Variants in LGSN observed in about 807,000 individuals in gnomAD.
LGSN encodes the protein lengsin, lens protein with glutamine synthetase domain, also known as lengsin.
In LGSN, 21 loss-of-function variants were observed where a neutral mutation model predicts 19.5. The ratio of observed to expected loss-of-function variants is 1.07; its 90% CI spans 0.76 to 1.55. The LOEUF (loss-of-function observed/expected upper bound fraction) is 1.55, where lower values mean the gene tolerates loss of function less well. Among genes scored for constraint, LGSN ranks in the 40% most tolerant of loss-of-function variants. The probability of loss-of-function intolerance (pLI) is 0.00; values close to 1 mark genes in which losing one functional copy is unlikely to be tolerated. For missense variants in LGSN, 673 were observed against 608.5 expected (o/e 1.11, Z -1.12); for synonymous variants, 257 against 215.6 (o/e 1.19, Z -1.68).
the LGSN span, among the ~76,000 whole-genome samples, chr6:63,446,474 G>T: frequency 2.6e-5 from 4 of 151,986 alleles, no homozygotes; most frequent in African/African-American, 4.8e-5. Flanking sequence ...CTTATTTTCT[G>T]CCTCCTTCTG....
At chr6:63,388,922 G>A in the LGSN span, among the ~76,000 whole-genome samples, 2 of 152,114 alleles carry the variant, frequency 1.3e-5, no homozygotes, top group Non-Finnish European at 2.9e-5. Flanking sequence ...CACAAACCAT[G>A]TACAGTCACT....
chr6:63,386,431 T>C, the LGSN span, among the ~76,000 whole-genome samples: 1 of 152,086 alleles, frequency 6.6e-6, no homozygotes, highest in Non-Finnish European at 1.5e-5. Flanking sequence ...TGCTTACTTG[T>C]TTGTTTGTTT....
chr6:63,460,100 CTTTTTTTTT>C, the LGSN span, among the ~76,000 whole-genome samples: 2 of 56,128 alleles, frequency 3.6e-5, no homozygotes, highest in Non-Finnish European at 3.2e-5. Context: ...ATTTCATTCC[CTTTTTTTTT>C]TTTTTTTTTT....
chr6:63,416,567 T>TTTG, the LGSN span, among the ~76,000 whole-genome samples: 4 of 152,138 alleles, frequency 2.6e-5, no homozygotes, highest in Non-Finnish European at 4.4e-5. Flanking sequence ...ACATAGTTTT[T>TTTG]TTGTTGTTGT....
the LGSN span, among the ~76,000 whole-genome samples, chr6:63,393,457 G>A: frequency 2.6e-5 from 4 of 152,028 alleles, no homozygotes; most frequent in East Asian, 3.9e-4. Context: ...AGGATTACAG[G>A]CGTGAGCCAC....
chr6:63,337,867 G>A, the LGSN span, among the ~76,000 whole-genome samples: 1 of 151,728 alleles, frequency 6.6e-6, no homozygotes, highest in Admixed American at 6.6e-5. Flanking sequence ...TAAGAACTCT[G>A]TACTATTTTA....
chr6:63,300,068 C>T (rs2127390347), intron 1 of LGSN, among the ~76,000 whole-genome samples: 1 of 152,260 alleles, frequency 6.6e-6, no homozygotes, highest in South Asian at 2.1e-4. Flanking sequence ...ATGGTGAGGC[C>T]TGGAGACGTG....
At chr6:63,341,666 C>G in the LGSN span, among the ~76,000 whole-genome samples, 1 of 152,138 alleles carries the variant, frequency 6.6e-6, no homozygotes, top group African/African-American at 2.4e-5. Context: ...AAGGGTCCAG[C>G]TGGCATTGTG....
At chr6:63,353,799 C>G in the LGSN span, among the ~76,000 whole-genome samples, 3 of 151,932 alleles carry the variant, frequency 2.0e-5, no homozygotes, top group African/African-American at 4.8e-5. Context: ...AAAACTGACA[C>G]ATAGACCAAT....
chr6:63,478,596 C>A, the LGSN span, among the ~76,000 whole-genome samples: 8 of 152,114 alleles, frequency 5.3e-5, no homozygotes, highest in East Asian at 9.6e-4. Flanking sequence ...GAACAAAGAG[C>A]CAAAAATAAT....
At chr6:63,459,983 G>C in the LGSN span, among the ~76,000 whole-genome samples, 1 of 151,442 alleles carries the variant, frequency 6.6e-6, no homozygotes, top group African/African-American at 2.4e-5. Flanking sequence ...CCAACTTCAC[G>C]TGCTCCATGT....
At chr6:63,452,988 T>C in the LGSN span, among the ~76,000 whole-genome samples, 1 of 152,154 alleles carries the variant, frequency 6.6e-6, no homozygotes, top group Admixed American at 6.5e-5. Context: ...ATAGGTTTTG[T>C]TTTCATTTGG....
At chr6:63,360,450 A>T in the LGSN span, among the ~76,000 whole-genome samples, 1 of 152,108 alleles carries the variant, frequency 6.6e-6, no homozygotes, top group Admixed American at 6.6e-5. Context: ...AGTTGATCGA[A>T]TCGGCTACTG....
the LGSN span, chr6:63,572,118 A>G: frequency 6.6e-6 from 1 of 152,294 alleles, no homozygotes; most frequent in East Asian, 1.9e-4. Context: ...GAGTCTCCTC[A>G]TGTGACATGT....
chr6:63,321,545 C>T (rs1001731375), upstream of LGSN, among the ~76,000 whole-genome samples: 1 of 152,080 alleles, frequency 6.6e-6, no homozygotes, highest in Admixed American at 6.6e-5. Flanking sequence ...ATCTCTTCTT[C>T]TCAATGTGTA....
At chr6:63,342,722 G>A in the LGSN span, among the ~76,000 whole-genome samples, 36 of 152,140 alleles carry the variant, frequency 2.4e-4, no homozygotes, top group South Asian at 1.0e-3. Context: ...AATTTTACTC[G>A]TGAAATAATA....
At chr6:63,351,432 AG>A in the LGSN span, among the ~76,000 whole-genome samples, 1 of 144,868 alleles carries the variant, frequency 6.9e-6, no homozygotes, top group South Asian at 2.2e-4. Flanking sequence ...AGAGAGAGAG[AG>A]GAAGAGAGAG....
chr6:63,432,575 C>T, the LGSN span, among the ~76,000 whole-genome samples: 57 of 151,836 alleles, frequency 3.8e-4, no homozygotes, highest in African/African-American at 1.4e-3. Context: ...GCCTGTAGTC[C>T]CAGCTACTCG....
the LGSN span, among the ~76,000 whole-genome samples, chr6:63,561,584 A>G: frequency 2.0e-5 from 3 of 152,086 alleles, no homozygotes; most frequent in East Asian, 5.8e-4. Flanking sequence ...TCCGCTTACA[A>G]TCACATTCCA....
Sources: allele counts gnomAD v4.1 joint callset (sites outside exome capture counted in the v4.1 genomes callset), GRCh38; gene constraint gnomAD v4.1.1; transcripts MANE v1.5; gene names NCBI Gene and HGNC (gene_info 2026-07-23, HGNC 2026-07-21).